CLCN4: variants seen among roughly 807,000 people sequenced by gnomAD.
CLCN4 encodes Cl-/H+ antiporter 4.
CLCN4 carries 1 observed loss-of-function variant against 41.7 expected under a neutral mutation model. The ratio of observed to expected loss-of-function variants is 0.02; its 90% CI spans 0.01 to 0.11. CLCN4 has a LOEUF of 0.11. Among genes scored for constraint, CLCN4 ranks in the 10% least tolerant of loss-of-function variants. The pLI is 1.00. For synonymous variants in CLCN4, 277 were observed against 285.8 expected, an observed-to-expected ratio of 0.97 and a Z score of 0.31; for missense variants, 287 against 661.0, an observed-to-expected ratio of 0.43 and a Z score of 6.20.
intron 12 of CLCN4, among the ~76,000 whole-genome samples, chrX:10,229,448 G>A (rs998013906): frequency 1.8e-5 from 2 of 109,045 alleles, no homozygotes; most frequent in Non-Finnish European, 3.8e-5. Context: ...ACAACGTGCA[G>A]GTTTGTTACA....
intron 6 of CLCN4, among the ~76,000 whole-genome samples, chrX:10,204,838 A>C (rs1039759399): frequency 9.1e-6 from 1 of 109,925 alleles, no homozygotes; most frequent in African/African-American, 3.3e-5. Context: ...TTAAATTGAC[A>C]TATAAGACAG....
intron 2 of CLCN4, among the ~76,000 whole-genome samples, chrX:10,181,866 A>G (rs1468418452): frequency 8.9e-6 from 1 of 112,073 alleles, no homozygotes; most frequent in Non-Finnish European, 1.9e-5. Flanking sequence ...TTGTATTAAT[A>G]CATGCTTGTC....
chrX:10,232,338 G>A (rs1331063999), intron 12 of CLCN4, among the ~76,000 whole-genome samples: 3 of 112,355 alleles, frequency 2.7e-5, no homozygotes, highest in East Asian at 5.6e-4. Flanking sequence ...TTCACTAAGA[G>A]ATAAATTTGA....
At chrX:10,177,117 G>GA (rs1245051427) in intron 2 of CLCN4, among the ~76,000 whole-genome samples, 2 of 112,648 alleles carry the variant, frequency 1.8e-5, no homozygotes, top group East Asian at 5.5e-4. Context: ...ATATGGTTGA[G>GA]AAAAAACCAA....
At position 10,185,187 on chromosome X, in the gene CLCN4, T is replaced by A. The variant is rs754800292; in HGVS notation, c.144+11T>A. 1.1e-5 allele frequency: 13 copies of A among 1,190,823 alleles called. No homozygotes were observed. The highest frequency in any genetic ancestry group is 1.5e-5 in the Non-Finnish European group (13 of 883,198). ...GACAGACACAGGAAGGTAGGTGGCA[T>A]TCCGAAAGGACACACTGCAAATGGC... On this transcript the variant is annotated intron_variant, in intron 3 of 12. Coordinates refer to ENST00000380833, the MANE Select transcript of CLCN4 (RefSeq NM_001830.4).
At chrX:10,206,981 G>A (rs1439588407) in intron 8 of CLCN4, among the ~76,000 whole-genome samples, 2 of 109,865 alleles carry the variant, frequency 1.8e-5, no homozygotes, top group African/African-American at 3.3e-5. Context: ...GTGCAATGGC[G>A]CAATCTTGGC....
intron 12 of CLCN4, among the ~76,000 whole-genome samples, chrX:10,224,896 T>C (rs1008760046): frequency 8.9e-6 from 1 of 111,967 alleles, no homozygotes; most frequent in South Asian, 3.7e-4. Context: ...TCCAGCTCCA[T>C]CCATGTCCCT....
rs1402618641 is a variant in CLCN4, at chrX:10,194,672, C to T, written c.245-239C>T. On this transcript the variant is annotated intron_variant, in intron 4 of 12. Coordinates refer to ENST00000380833, the MANE Select transcript of CLCN4 (RefSeq NM_001830.4). Reference sequence around the variant, plus strand: ...TGTCTCTCCTACCCAGTTCAAGCTACTGAACCCTTTGTATTTCTCATTGGG... The same window carrying T: ...TGTCTCTCCTACCCAGTTCAAGCTATTGAACCCTTTGTATTTCTCATTGGG... Among the ~76,000 whole-genome samples the T allele has an allele frequency of 4.5e-5, 5 of 112,345 alleles. No homozygotes were observed. In the Admixed American group the frequency reaches 4.7e-4, roughly 11 times the overall value.
At chrX:10,188,662 C>T (rs897775802) in intron 4 of CLCN4, among the ~76,000 whole-genome samples, 1 of 112,117 alleles carries the variant, frequency 8.9e-6, no homozygotes, top group Non-Finnish European at 1.9e-5. Context: ...ATAAAAATCC[C>T]CTGCATATAA....
At chrX:10,212,728 T>G (rs766912117) in intron 10 of CLCN4, 75 bp downstream of exon 10, 1 of 957,812 alleles carries the variant, frequency 1.0e-6, no homozygotes, top group South Asian at 2.3e-5. Context: ...AAGGAAGACA[T>G]GGACTTGAAC....
At chrX:10,185,203 T>C in intron 3 of CLCN4, 27 bp downstream of exon 3, 1 of 1,178,922 alleles carries the variant, frequency 8.5e-7, no homozygotes, top group South Asian at 1.9e-5. Flanking sequence ...AAGGACACAC[T>C]GCAAATGGCT....
chrX:10,221,215 G>C (rs1924852582), intron 12 of CLCN4, among the ~76,000 whole-genome samples: 1 of 111,588 alleles, frequency 9.0e-6, no homozygotes. Context: ...CTGCTATAAC[G>C]TGATGTATGC....
chrX:10,194,851 G>A (rs1602149855), intron 4 of CLCN4, 60 bp from the exon 5 acceptor site: 1 of 1,130,110 alleles, frequency 8.8e-7, no homozygotes, highest in Non-Finnish European at 1.2e-6. Context: ...CGCCGTGTTG[G>A]TCTCATTCTT....
intron 2 of CLCN4, among the ~76,000 whole-genome samples, chrX:10,172,068 A>G (rs1439345325): frequency 1.8e-5 from 2 of 112,485 alleles, no homozygotes; most frequent in African/African-American, 6.5e-5. Flanking sequence ...AAATTCCCAG[A>G]TGCCAGCCAA....
At position 10,187,465 on chromosome X, in the gene CLCN4, A is replaced by C. The variant is rs374769266; in HGVS notation, c.145-50A>C. On this transcript the variant is annotated intron_variant, in intron 3 of 12. Transcript: ENST00000380833. ...AGGAAACAGTTTCAAGGAAAAAAGC[A>C]TGAATTCGAAAATGCATTCGGATCA... 123 of 942,883 alleles carry C rather than the reference A, an allele frequency of 1.3e-4. No homozygotes were observed. In the African/African-American group the frequency reaches 2.2e-3, roughly 17 times the overall value. The allele number at this position is 942,883 out of a possible 1,213,427, so 77.7% of individuals were successfully genotyped here.
intron 4 of CLCN4, among the ~76,000 whole-genome samples, chrX:10,190,917 G>C (rs1477757826): frequency 8.9e-6 from 1 of 111,911 alleles, no homozygotes; most frequent in African/African-American, 3.2e-5. Context: ...TTTCAAACCT[G>C]TCTGATATTT....
At chrX:10,217,269 C>G (rs1924749893) in intron 11 of CLCN4, among the ~76,000 whole-genome samples, 1 of 109,817 alleles carries the variant, frequency 9.1e-6, no homozygotes, top group Admixed American at 9.8e-5. Flanking sequence ...CCTGGCTAAG[C>G]ATTTTTAATT....
intron 6 of CLCN4, among the ~76,000 whole-genome samples, chrX:10,202,191 C>T (rs1188529488): frequency 1.8e-5 from 2 of 110,285 alleles, no homozygotes; most frequent in Non-Finnish European, 3.8e-5. Flanking sequence ...TGAAAATAAG[C>T]GGCAGAGTGT....
intron 2 of CLCN4, among the ~76,000 whole-genome samples, chrX:10,164,305 G>T (rs919935781): frequency 9.0e-6 from 1 of 111,656 alleles, no homozygotes; most frequent in African/African-American, 3.3e-5. Flanking sequence ...AAAGCAGGGA[G>T]ATCGGCGTGT....
Sources: allele counts gnomAD v4.1 joint callset (sites outside exome capture counted in the v4.1 genomes callset), GRCh38; gene constraint gnomAD v4.1.1; transcripts MANE v1.5; gene names NCBI Gene and HGNC (gene_info 2026-07-23, HGNC 2026-07-21).